The following ANKS1B variants were observed in gnomAD, a reference collection of about 807,000 sequenced individuals.
ANKS1B encodes ankyrin repeat and sterile alpha motif domain containing 1B.
In ANKS1B, 36 loss-of-function variants were observed where a neutral mutation model predicts 148.3. The ratio of observed to expected loss-of-function variants is 0.24; its 90% confidence interval spans 0.19 to 0.32. ANKS1B has a LOEUF of 0.32. Ranked by LOEUF, ANKS1B falls within the 10% of genes least tolerant of loss-of-function variation. The probability of loss-of-function intolerance (pLI) is 1.00; values close to 1 mark genes in which losing one functional copy is unlikely to be tolerated. For synonymous variants in ANKS1B, 542 were observed against 560.8 expected (o/e 0.97, Z 0.47); for missense variants, 1,157 against 1,542.6 (o/e 0.75, Z 4.19).
intron 14 of ANKS1B, among the ~76,000 whole-genome samples, chr12:99,179,756 T>A (rs976537840): frequency 6.6e-6 from 1 of 152,208 alleles, no homozygotes; most frequent in Non-Finnish European, 1.5e-5. Flanking sequence ...TATAATAGGG[T>A]TGTTGACAGA....
At chr12:99,054,702 C>A (rs920120673) in intron 16 of ANKS1B, among the ~76,000 whole-genome samples, 3 of 152,086 alleles carry the variant, frequency 2.0e-5, no homozygotes, top group Admixed American at 1.3e-4. Context: ...CCAAGCCTGG[C>A]TAATTTTTGT....
chr12:99,436,599 G>A (rs1233460262), intron 11 of ANKS1B, among the ~76,000 whole-genome samples: 6 of 151,950 alleles, frequency 3.9e-5, no homozygotes, highest in Admixed American at 1.3e-4. Context: ...ACAGTGCCCA[G>A]AAAAATGTTA....
chr12:99,533,905 A>G (rs2097031286), intron 9 of ANKS1B, among the ~76,000 whole-genome samples: 1 of 152,228 alleles, frequency 6.6e-6, no homozygotes, highest in South Asian at 2.1e-4. Flanking sequence ...AACATAAATG[A>G]CCAATATTAA....
chr12:99,908,537 C>A (rs769504451), intron 1 of ANKS1B, among the ~76,000 whole-genome samples: 1 of 152,062 alleles, frequency 6.6e-6, no homozygotes, highest in Non-Finnish European at 1.5e-5. Context: ...ACCATGATCA[C>A]GCCACTGCAC....
chr12:98,921,865 TA>T (rs1465093331), intron 17 of ANKS1B, among the ~76,000 whole-genome samples: 4 of 152,238 alleles, frequency 2.6e-5, no homozygotes, highest in African/African-American at 7.2e-5. Flanking sequence ...CATAAAGTTC[TA>T]AATTTGAACA....
At chr12:98,818,710 T>C (rs1414429540) in intron 19 of ANKS1B, among the ~76,000 whole-genome samples, 1 of 152,238 alleles carries the variant, frequency 6.6e-6, no homozygotes, top group African/African-American at 2.4e-5. Context: ...CAAAGTAATG[T>C]TGTTCTTTGT....
At chr12:99,716,919 T>C (rs1186967745) in intron 8 of ANKS1B, among the ~76,000 whole-genome samples, 2 of 152,118 alleles carry the variant, frequency 1.3e-5, no homozygotes, top group African/African-American at 2.4e-5. Context: ...ATCACCTCCC[T>C]TCCTCACACC....
At chr12:99,939,490 G>T (rs568832505) in intron 1 of ANKS1B, among the ~76,000 whole-genome samples, 1 of 151,838 alleles carries the variant, frequency 6.6e-6, no homozygotes, top group African/African-American at 2.4e-5. Flanking sequence ...CCCAGCCTTC[G>T]AAAGTGCTGG....
intron 11 of ANKS1B, among the ~76,000 whole-genome samples, chr12:99,433,346 A>G (rs1397665228): frequency 6.6e-6 from 1 of 152,210 alleles, no homozygotes; most frequent in Non-Finnish European, 1.5e-5. Flanking sequence ...TGATGATGTC[A>G]TCACTTACCA....
At chr12:98,963,343 A>G (rs577366880) in intron 17 of ANKS1B, among the ~76,000 whole-genome samples, 2 of 151,888 alleles carry the variant, frequency 1.3e-5, no homozygotes, top group South Asian at 4.2e-4. Context: ...ATGCCTGGCT[A>G]ATTTTTGTAT....
At chr12:98,984,515 C>T (rs1299686717) in intron 17 of ANKS1B, among the ~76,000 whole-genome samples, 2 of 152,174 alleles carry the variant, frequency 1.3e-5, no homozygotes, top group Non-Finnish European at 2.9e-5. Flanking sequence ...TTGGAAATCT[C>T]CTTAGCTATA....
At chr12:99,693,537 T>C (rs2053441740) in intron 8 of ANKS1B, among the ~76,000 whole-genome samples, 1 of 152,328 alleles carries the variant, frequency 6.6e-6, no homozygotes, top group Admixed American at 6.5e-5. Flanking sequence ...AGAAAGTACA[T>C]TGGTATCCAG....
At chr12:99,062,339 T>A (rs569393761) in intron 16 of ANKS1B, among the ~76,000 whole-genome samples, 1 of 152,128 alleles carries the variant, frequency 6.6e-6, no homozygotes, top group South Asian at 2.1e-4. Context: ...ATCTTTGTTA[T>A]TTTTTTTCTG....
intron 4 of ANKS1B, among the ~76,000 whole-genome samples, chr12:99,789,140 C>T (rs1267735765): frequency 1.3e-5 from 2 of 152,088 alleles, no homozygotes; most frequent in African/African-American, 4.8e-5. Context: ...TCACCACACC[C>T]CCAGGTACAG....
intron 1 of ANKS1B, among the ~76,000 whole-genome samples, chr12:99,967,711 A>G (rs2095502681): frequency 6.6e-6 from 1 of 152,094 alleles, no homozygotes; most frequent in Non-Finnish European, 1.5e-5. Flanking sequence ...GATCCAGAAC[A>G]TCTTGGCCAA....
intron 13 of ANKS1B, 55 bp downstream of exon 13, chr12:99,246,220 A>G: frequency 7.4e-7 from 1 of 1,349,904 alleles, no homozygotes. Context: ...CTTCCCCCAA[A>G]CCTCCCTCAA....
At chr12:99,509,989 A>T (rs978934271) in intron 9 of ANKS1B, among the ~76,000 whole-genome samples, 3 of 152,000 alleles carry the variant, frequency 2.0e-5, no homozygotes, top group African/African-American at 7.2e-5. Flanking sequence ...ATGCTCTATA[A>T]ATGAAACAAC....
At chr12:99,533,536 C>T (rs745399834) in intron 9 of ANKS1B, among the ~76,000 whole-genome samples, 1 of 152,124 alleles carries the variant, frequency 6.6e-6, no homozygotes, top group African/African-American at 2.4e-5. Flanking sequence ...CTTTCTCTTG[C>T]CTGATTGCTC....
chr12:99,878,122 C>G (rs909510014), intron 1 of ANKS1B, among the ~76,000 whole-genome samples: 5 of 152,102 alleles, frequency 3.3e-5, no homozygotes, highest in Non-Finnish European at 7.4e-5. Flanking sequence ...AATCCAGAGA[C>G]AGGTAGTTGC....
Sources: allele counts gnomAD v4.1 joint callset (sites outside exome capture counted in the v4.1 genomes callset), GRCh38; gene constraint gnomAD v4.1.1; transcripts MANE v1.5; gene names NCBI Gene and HGNC (gene_info 2026-07-23, HGNC 2026-07-21).